MARK2: variants seen among roughly 807,000 people sequenced by gnomAD.
MARK2 encodes the protein microtubule affinity regulating kinase 2.
MARK2 carries 16 observed loss-of-function variants against 89.8 expected under a neutral mutation model. The ratio of observed to expected loss-of-function variants is 0.18; its 90% CI spans 0.12 to 0.27. The LOEUF (loss-of-function observed/expected upper bound fraction) is 0.27. MARK2 is among the 10% of genes least tolerant of loss of function. The pLI is 1.00. For missense variants in MARK2, 621 were observed against 1,049.9 expected, an observed-to-expected ratio of 0.59 and a Z score of 5.65; for synonymous variants, 382 against 399.5, an observed-to-expected ratio of 0.96 and a Z score of 0.52.
rs1554990088 is a variant in MARK2, at chr11:63,910,652, A to ATTATT, written c.*1417_*1418insATTTT. Reference sequence around the variant, plus strand: ...GTTTTATTTTTTATTATTTTATTTTATTTTTTTTTTTTTTGATTTATGATG... The same window carrying ATTATT: ...GTTTTATTTTTTATTATTTTATTTTATTATTTTTTTTTTTTTTTTGATTTATGATG... On this transcript the variant is annotated 3_prime_UTR_variant, in exon 19 of 19. Transcript: ENST00000402010. 2 of 137,434 alleles carry ATTATT rather than the reference A, an allele frequency of 1.5e-5. No homozygotes were observed. The highest frequency in any genetic ancestry group is 3.1e-5 in the Non-Finnish European group (2 of 64,268). 8.5% of individuals were successfully genotyped at this position (137,434 alleles called of 1,614,324 possible). A position where few individuals can be genotyped will look rare whatever the true frequency, so the allele number is the denominator to read the frequency against.
chr11:63,863,382 A>G (rs1024237230), intron 1 of MARK2, among the ~76,000 whole-genome samples: 4 of 152,014 alleles, frequency 2.6e-5, no homozygotes, highest in Non-Finnish European at 2.9e-5. Context: ...AACTTCGGCA[A>G]GGGTGCCTTT....
intron 3 of MARK2, among the ~76,000 whole-genome samples, chr11:63,897,034 G>A (rs1940465575): frequency 6.6e-6 from 1 of 152,154 alleles, no homozygotes. Flanking sequence ...ACTAAAGCCA[G>A]TCTGATTCTG....
intron 1 of MARK2, among the ~76,000 whole-genome samples, chr11:63,874,717 G>A (rs1369284679): frequency 1.3e-5 from 2 of 152,128 alleles, no homozygotes; most frequent in Non-Finnish European, 2.9e-5. Flanking sequence ...ATAAACAAGT[G>A]CAGCAGAACT....
intron 1 of MARK2, chr11:63,869,043 AT>A: frequency 2.9e-6 from 1 of 350,732 alleles, no homozygotes; most frequent in South Asian, 2.1e-5. Context: ...AAGGATGACC[AT>A]TTTCTTCTTC....
At chr11:63,887,065 T>A (rs1387254544) in intron 1 of MARK2, among the ~76,000 whole-genome samples, 1 of 152,202 alleles carries the variant, frequency 6.6e-6, no homozygotes, top group East Asian at 1.9e-4. Context: ...GGATAGGCCT[T>A]TAAACAGCAC....
At chr11:63,861,740 C>CTTTTT (rs531935148) in intron 1 of MARK2, among the ~76,000 whole-genome samples, 2 of 127,074 alleles carry the variant, frequency 1.6e-5, no homozygotes, top group Admixed American at 8.6e-5. Flanking sequence ...CTCATTTACT[C>CTTTTT]TTTTTTTTTT....
At chr11:63,862,620 G>GA (rs1238567912) in intron 1 of MARK2, among the ~76,000 whole-genome samples, 1 of 152,166 alleles carries the variant, frequency 6.6e-6, no homozygotes, top group East Asian at 1.9e-4. Flanking sequence ...AGAGCTATGG[G>GA]AGACCTTTTT....
chr11:63,888,868 C>A (rs1939584583), intron 1 of MARK2: 2 of 1,327,914 alleles, frequency 1.5e-6, no homozygotes, highest in Non-Finnish European at 2.0e-6. Context: ...CCTGGCTCTT[C>A]CCGGCCTCTG....
chr11:63,848,810 C>G (rs1378562949), intron 1 of MARK2, among the ~76,000 whole-genome samples: 1 of 151,982 alleles, frequency 6.6e-6, no homozygotes, highest in Non-Finnish European at 1.5e-5. Flanking sequence ...ATCCACCCAC[C>G]TCGGCCTCCC....
intron 1 of MARK2, chr11:63,888,599 G>T: frequency 9.0e-7 from 1 of 1,117,004 alleles, no homozygotes; most frequent in Non-Finnish European, 1.1e-6. Flanking sequence ...CTTCTGGTGT[G>T]CTGTCCTGGA....
At chr11:63,859,232 A>G (rs940479053) in intron 1 of MARK2, among the ~76,000 whole-genome samples, 1 of 151,750 alleles carries the variant, frequency 6.6e-6, no homozygotes, top group Non-Finnish European at 1.5e-5. Flanking sequence ...TCAATAGTCT[A>G]TTCCCTGGGT....
At position 63,902,817 on chromosome 11, in the gene MARK2, G is replaced by T; in HGVS notation, c.1416+35G>T. 6.4e-7 allele frequency: 1 copy of T among 1,558,144 alleles called. No individual in the cohort carries two copies. The highest frequency in any genetic ancestry group is 1.1e-5 in the South Asian group (1 of 89,608). On this transcript the variant is annotated intron_variant, in intron 13 of 18. Coordinates refer to ENST00000402010, the MANE Select transcript of MARK2 (RefSeq NM_001039469.3). The surrounding 1 kb of genome is among the most constrained non-coding windows in gnomAD (Gnocchi z 4.2). Reference sequence around the variant, plus strand: ...ACCCCCCGCTCTCTCCTTCCTTCCTGCGGTGGGGCCTGCCCTCTCCAGGCA... The same window carrying T: ...ACCCCCCGCTCTCTCCTTCCTTCCTTCGGTGGGGCCTGCCCTCTCCAGGCA...
At chr11:63,862,687 C>A (rs996198107) in intron 1 of MARK2, among the ~76,000 whole-genome samples, 1 of 152,136 alleles carries the variant, frequency 6.6e-6, no homozygotes, top group Non-Finnish European at 1.5e-5. Context: ...TCCCATCTTC[C>A]GGAATTTCAA....
chr11:63,839,516 G>C lies in MARK2; in HGVS notation c.10G>C (p.Ala4Pro). 6.5e-7 allele frequency: 1 copy of C among 1,529,842 alleles called. No homozygotes were observed. The highest frequency in any genetic ancestry group is 8.8e-7 in the Non-Finnish European group (1 of 1,137,026). The allele number at this position is 1,529,842 out of a possible 1,614,324, so 94.8% of individuals were successfully genotyped here. Residue 4 changes from alanine (A) to proline (P), a missense_variant, in exon 1 of 19, where the codon GCT (alanine) becomes CCT (proline). By Grantham distance (27) the Ala-to-Pro change is conservative (BLOSUM62 -1). This residue lies in a region of MARK2 where 60 missense variants were observed against 73.2 expected (regional missense o/e 0.82). Coordinates refer to ENST00000402010, the MANE Select transcript of MARK2 (RefSeq NM_001039469.3). MSSARTPLPTLNER... is the reference protein window; with the variant it reads MSSPRTPLPTLNER... ...CCGAGATACCGGCGCCATGTCCAGC[G>C]CTCGGACCCCCCTACCCACGCTGAA...
intron 1 of MARK2, among the ~76,000 whole-genome samples, chr11:63,864,103 G>A (rs961468311): frequency 2.6e-4 from 38 of 148,632 alleles, no homozygotes; most frequent in Non-Finnish European, 1.6e-4. Context: ...ACAGGCGCCC[G>A]CCACCACTCC....
At position 63,840,269 on chromosome 11, in the gene MARK2, A is replaced by G. The variant is rs547360966; in HGVS notation, c.54+709A>G. 3.3e-5 allele frequency among the ~76,000 whole-genome samples: 5 copies of G among 152,232 alleles called. No homozygotes were observed. The South Asian group carries it at 1.0e-3, about 32-fold the overall frequency. On this transcript the variant is annotated intron_variant, in intron 1 of 18. Transcript: ENST00000402010. The stretch of plus-strand genomic sequence containing the variant: ...ATTTGTCGCTTCCGTGTTTCCCCAC[A>G]GCTGTCATGCGCATAGTTTTCCCAC...
At chr11:63,895,535 C>T (rs758169975) in intron 2 of MARK2, 45 bp from the exon 3 acceptor site, 11 of 1,579,642 alleles carry the variant, frequency 7.0e-6, no homozygotes, top group African/African-American at 2.7e-5. Flanking sequence ...TCCTGGGTTT[C>T]GCTGGTCAGA....
At chr11:63,895,116 T>C in intron 1 of MARK2, 43 bp from the exon 2 acceptor site, 1 of 1,566,070 alleles carries the variant, frequency 6.4e-7, no homozygotes, top group South Asian at 1.1e-5. Context: ...TTTAGAGGAC[T>C]GGAAGTGTGG....
chr11:63,856,921 C>T (rs2016893417), intron 1 of MARK2, among the ~76,000 whole-genome samples: 1 of 151,558 alleles, frequency 6.6e-6, no homozygotes, highest in South Asian at 2.1e-4. Flanking sequence ...CATTCTCCTG[C>T]CTCAGCCTCC....
Sources: allele counts gnomAD v4.1 joint callset (sites outside exome capture counted in the v4.1 genomes callset), GRCh38; gene constraint gnomAD v4.1.1; regional missense constraint gnomAD v4.1.1; non-coding constraint Gnocchi (gnomAD v3.1); transcripts MANE v1.5; gene names NCBI Gene and HGNC (gene_info 2026-07-23, HGNC 2026-07-21).